GDAP2: variants seen among roughly 807,000 people sequenced by gnomAD.
The protein encoded by GDAP2 is ganglioside induced differentiation associated protein 2.
GDAP2 carries 51 observed loss-of-function variants against 67.0 expected under a neutral mutation model. The observed-to-expected ratio is 0.76, with a 90% confidence interval of 0.61 to 0.96. The LOEUF is 0.96. Among genes scored for constraint, GDAP2 ranks in the 40% least tolerant of loss-of-function variants. GDAP2 has a pLI of 0.00. For synonymous variants in GDAP2, 203 were observed against 207.3 expected, an observed-to-expected ratio of 0.98 and a Z score of 0.18; for missense variants, 547 against 588.3, an observed-to-expected ratio of 0.93 and a Z score of 0.73.
At chr1:117,927,184 G>A (rs530467664) in intron 1 of GDAP2, among the ~76,000 whole-genome samples, 1 of 150,852 alleles carries the variant, frequency 6.6e-6, no homozygotes, top group African/African-American at 2.4e-5. Context: ...AATTCAAATG[G>A]TGCAGTGTAA....
intron 12 of GDAP2, among the ~76,000 whole-genome samples, chr1:117,880,058 G>A (rs1015987311): frequency 2.6e-5 from 4 of 152,106 alleles, no homozygotes; most frequent in African/African-American, 7.2e-5. Context: ...GATGGTGCAC[G>A]TCTGCAGTCC....
intron 12 of GDAP2, among the ~76,000 whole-genome samples, chr1:117,878,483 A>G (rs1405533616): frequency 1.3e-5 from 2 of 152,166 alleles, no homozygotes; most frequent in East Asian, 3.8e-4. Context: ...TGTAGTCAAA[A>G]CCGCTGCATT....
chr1:117,891,906 C>T (rs1415740893), intron 8 of GDAP2, among the ~76,000 whole-genome samples: 2 of 152,046 alleles, frequency 1.3e-5, no homozygotes, highest in African/African-American at 2.4e-5. Context: ...ATAGTGTGAA[C>T]ACAGAATTAG....
intron 12 of GDAP2, among the ~76,000 whole-genome samples, chr1:117,878,404 C>T (rs1570965386): frequency 6.6e-6 from 1 of 152,216 alleles, no homozygotes; most frequent in African/African-American, 2.4e-5. Flanking sequence ...CTTTTGTTTC[C>T]ATTACATGTA....
intron 6 of GDAP2, among the ~76,000 whole-genome samples, chr1:117,901,478 CA>C (rs1353376583): frequency 5.3e-5 from 8 of 152,290 alleles, no homozygotes; most frequent in African/African-American, 1.7e-4. Context: ...TTTTACATTC[CA>C]ATTAACTATC....
chr1:117,915,018 G>T (rs180794119), intron 3 of GDAP2, among the ~76,000 whole-genome samples: 163 of 152,202 alleles, frequency 1.1e-3, no homozygotes, highest in African/African-American at 3.9e-3. Flanking sequence ...GAACAGTCTA[G>T]AGAGGAAAGG....
chr1:117,913,803 G>A lies in GDAP2; in HGVS notation c.317-1120C>T, dbSNP rs1193869883. Among the ~76,000 whole-genome samples the A allele has an allele frequency of 2.6e-5, 4 of 152,114 alleles. No homozygotes were observed. The East Asian group carries it at 7.7e-4, about 29-fold the overall frequency. On this transcript the variant is annotated intron_variant, in intron 3 of 13. Transcript: ENST00000369443. ...CATATGTTAAACCCTACCCCCTAAT[G>A]TGATGGTATTAGGAGGTAGGGTCTT...
At chr1:117,919,097 G>A (rs929515336) in intron 2 of GDAP2, among the ~76,000 whole-genome samples, 44 of 152,290 alleles carry the variant, frequency 2.9e-4, no homozygotes, top group African/African-American at 9.6e-4. Context: ...AGTACTGGCC[G>A]GGCACGGTGG....
rs537539759 is a variant in GDAP2, at chr1:117,926,614, C to G, written c.-68+2834G>C. Reference sequence around the variant, plus strand: ...CTCCTTCCCCTAAACACATATACACCTTAGTAATACATACAGTAAATGGAG... The same window carrying G: ...CTCCTTCCCCTAAACACATATACACGTTAGTAATACATACAGTAAATGGAG... On this transcript the variant is annotated intron_variant, in intron 1 of 13. Transcript: ENST00000369443. Among the ~76,000 whole-genome samples, 42 of 152,224 alleles carry G rather than the reference C, an allele frequency of 2.8e-4. 1 individual carries two copies. Among genetic ancestry groups the G allele is most frequent in the African/African-American group, 9.9e-4 (41 of 41,548 alleles).
At chr1:117,927,225 T>A (rs551843893) in intron 1 of GDAP2, among the ~76,000 whole-genome samples, 1 of 152,306 alleles carries the variant, frequency 6.6e-6, no homozygotes, top group South Asian at 2.1e-4. Flanking sequence ...ACTTGTTTTT[T>A]TTTTCCTCAA....
intron 9 of GDAP2, among the ~76,000 whole-genome samples, chr1:117,887,121 G>GT (rs1428066068): frequency 1.3e-5 from 2 of 151,764 alleles, no homozygotes; most frequent in African/African-American, 4.8e-5. Context: ...GTAGAGATGG[G>GT]GTCTCACCAT....
At chr1:117,914,737 A>G (rs1467666067) in intron 3 of GDAP2, among the ~76,000 whole-genome samples, 2 of 152,202 alleles carry the variant, frequency 1.3e-5, no homozygotes, top group African/African-American at 2.4e-5. Flanking sequence ...TCTCAACAGC[A>G]CTAATCAAAG....
intron 6 of GDAP2, among the ~76,000 whole-genome samples, chr1:117,899,662 T>G (rs1649381197): frequency 6.6e-6 from 1 of 152,152 alleles, no homozygotes; most frequent in Non-Finnish European, 1.5e-5. Flanking sequence ...AAAGTTTTTT[T>G]CAAAGAAAAA....
At position 117,865,791 on chromosome 1, in the gene GDAP2, A is replaced by G. The variant is rs1648035065; in HGVS notation, c.*4778T>C. On this transcript the variant is annotated 3_prime_UTR_variant, in exon 14 of 14. Transcript: ENST00000369443. ...GAAAAGATTCAAAGATGCTGTTCTT[A>G]AAAGTGTAAAAAATAACTAATATAC... 1 of 152,218 alleles carries G rather than the reference A, an allele frequency of 6.6e-6. No individual in the cohort carries two copies. Among genetic ancestry groups the G allele is most frequent in the Non-Finnish European group, 1.5e-5 (1 of 68,036 alleles). 9.4% of individuals were successfully genotyped at this position (152,218 alleles called of 1,614,324 possible). A position where few individuals can be genotyped will look rare whatever the true frequency, so the allele number is the denominator to read the frequency against.
chr1:117,906,375 C>A, intron 6 of GDAP2, 131 bp downstream of exon 6: 1 of 582,792 alleles, frequency 1.7e-6, no homozygotes. Context: ...ATTGTAAGAC[C>A]CACTGTCAAA....
rs888843731 is a variant in GDAP2 at position 117,866,983 on chromosome 1, C to T, written c.*3586G>A. 4 of 152,072 alleles carry T rather than the reference C, an allele frequency of 2.6e-5. No individual in the cohort carries two copies. Among genetic ancestry groups the T allele is most frequent in the African/African-American group, 9.7e-5 (4 of 41,406 alleles). 9.4% of individuals were successfully genotyped at this position (152,072 alleles called of 1,614,324 possible). On this transcript the variant is annotated 3_prime_UTR_variant, in exon 14 of 14. Coordinates refer to ENST00000369443, the MANE Select transcript of GDAP2 (RefSeq NM_017686.4). ...TACAATCAATCCACTGCCACTAGAA[C>T]CATGTAACTCTCCTCTATATAGTAC...
chr1:117,893,252 A>T (rs1411627673), intron 8 of GDAP2, among the ~76,000 whole-genome samples: 1 of 152,224 alleles, frequency 6.6e-6, no homozygotes, highest in Non-Finnish European at 1.5e-5. Flanking sequence ...GAAGAGTTTC[A>T]AAAGCAGTAT....
intron 6 of GDAP2, among the ~76,000 whole-genome samples, 189 bp from the exon 7 acceptor site, chr1:117,899,405 T>C (rs528892132): frequency 6.6e-6 from 1 of 152,300 alleles, no homozygotes; most frequent in Non-Finnish European, 1.5e-5. Flanking sequence ...AAGGATATTG[T>C]TATCTAGCCA....
At position 117,893,568 on chromosome 1, in the gene GDAP2, CTAAT is replaced by C. The variant is rs562068288; in HGVS notation, c.953+3261_953+3264del. Among the ~76,000 whole-genome samples the C allele has an allele frequency of 1.5e-3, 225 of 152,208 alleles. 1 individual carries two copies. The highest frequency in any genetic ancestry group is 6.8e-3 in the Middle Eastern group (2 of 294). On this transcript the variant is annotated intron_variant, in intron 8 of 13. Transcript: ENST00000369443. ...CTACTTACTTTTACATTTGTTCAAC[CTAAT>C]TAATTAACATAATCAACAGAAGCCA... is the stretch of plus-strand genomic sequence containing the variant.
Sources: allele counts gnomAD v4.1 joint callset (sites outside exome capture counted in the v4.1 genomes callset), GRCh38; gene constraint gnomAD v4.1.1; transcripts MANE v1.5; gene names NCBI Gene and HGNC (gene_info 2026-07-23, HGNC 2026-07-21).